MCF2L: variants seen among roughly 807,000 people sequenced by gnomAD.
MCF2L encodes guanine nucleotide exchange factor DBS.
A neutral mutation model predicts 153.4 loss-of-function variants in MCF2L; 97 were observed. The observed-to-expected ratio is 0.63, with a 90% CI of 0.54 to 0.75. The LOEUF (loss-of-function observed/expected upper bound fraction) is 0.75, where lower values mean the gene tolerates loss of function less well. MCF2L is among the 30% of genes least tolerant of loss of function. The probability of loss-of-function intolerance (pLI) is 0.00; values close to 1 mark genes in which losing one functional copy is unlikely to be tolerated. For missense variants in MCF2L, 1,347 were observed against 1,495.2 expected, an observed-to-expected ratio of 0.90 and a Z score of 1.64; for synonymous variants, 659 against 632.2, an observed-to-expected ratio of 1.04 and a Z score of -0.64.
chr13:113,012,194 AGG>A (rs2084185423), intron 1 of MCF2L, among the ~76,000 whole-genome samples: 2 of 96,086 alleles, frequency 2.1e-5, no homozygotes, highest in African/African-American at 7.4e-5. Flanking sequence ...GATGGTGGAC[AGG>A]CGGTGTGGAC....
chr13:113,062,062 C>G (rs572683563), intron 5 of MCF2L, among the ~76,000 whole-genome samples: 1 of 150,462 alleles, frequency 6.6e-6, no homozygotes, highest in Non-Finnish European at 1.5e-5. Context: ...TCTGTGCCAT[C>G]GTGCTTTGGT....
At chr13:112,979,695 AC>A (rs754070083) in intron 1 of MCF2L, 2 of 1,612,846 alleles carry the variant, frequency 1.2e-6, no homozygotes, top group South Asian at 2.2e-5. Flanking sequence ...ATCCCGGGGA[AC>A]CCTGCGGCGG....
chr13:112,917,415 C>T, intron 2 of MCF2L: 1 of 337,494 alleles, frequency 3.0e-6, no homozygotes, highest in Non-Finnish European at 5.9e-6. Flanking sequence ...AGAACAGATC[C>T]AGAATCCAGC....
At chr13:113,034,903 CCGAGG>C (rs2086054378) in intron 3 of MCF2L, among the ~76,000 whole-genome samples, 3 of 152,110 alleles carry the variant, frequency 2.0e-5, no homozygotes, top group Non-Finnish European at 4.4e-5. Context: ...GAAGGTCTGC[CCGAGG>C]TGAGGAAGGT....
At position 113,086,156 on chromosome 13, in the gene MCF2L, G is replaced by C. The variant is rs772139118; in HGVS notation, c.2280G>C (p.Gly760=). 9 of 1,610,606 alleles carry C rather than the reference G, an allele frequency of 5.6e-6. No individual in the cohort carries two copies. Among genetic ancestry groups the C allele is most frequent in the Non-Finnish European group, 7.6e-6 (9 of 1,178,610 alleles). ...EMLKYSRNCE[G]AEDLQEALSS... Reference sequence around the variant, plus strand: ...TGAAATACAGCAGGAACTGCGAGGGGGCTGAGGACCTGCAGGAGGCGCTGA... The same window carrying C: ...TGAAATACAGCAGGAACTGCGAGGGCGCTGAGGACCTGCAGGAGGCGCTGA... The change falls in exon 21 of 30, where the codon GGG becomes GGC. Residue 760 remains glycine, a synonymous_variant. Coordinates refer to ENST00000535094, the MANE Select transcript of MCF2L (RefSeq NM_001112732.3).
At chr13:113,080,621 C>A (rs1486895326) in intron 15 of MCF2L, among the ~76,000 whole-genome samples, 1 of 152,244 alleles carries the variant, frequency 6.6e-6, no homozygotes, top group Non-Finnish European at 1.5e-5. Context: ...GCTTGTGCAC[C>A]CTCCCCTTCT....
rs923811264 is a variant in MCF2L at position 113,045,088 on chromosome 13, A to G, written c.279-183A>G. The G allele has an allele frequency of 2.8e-5, 26 of 935,306 alleles. No individual in the cohort carries two copies. In the Middle Eastern group the frequency reaches 8.6e-4, roughly 31 times the overall value. 57.9% of individuals were successfully genotyped at this position (935,306 alleles called of 1,614,324 possible). ...TGCCTGCCCTTCCGTAGATGAGAGC[A>G]GGTTCTGGGACTGCGGGGATGGGGC... On this transcript the variant is annotated intron_variant, in intron 3 of 29. Coordinates refer to ENST00000535094, the MANE Select transcript of MCF2L (RefSeq NM_001112732.3). The surrounding 1 kb of genome is among the most constrained non-coding windows in gnomAD (Gnocchi z 4.2).
At position 112,941,433 on chromosome 13, in the gene MCF2L, T is replaced by C. The variant is rs1043421082; in HGVS notation, c.169+39062T>C. ...ATTCCTTGTACATTTCCTTTAGGTG[T>C]AAAAGGAAAATAACTTACAGTAAAA... On this transcript the variant is annotated intron_variant, in intron 2 of 29. Coordinates refer to the MCF2L transcript ENST00000375608. This position sits in a 1 kb window ranked among gnomAD's most constrained non-coding sequence, Gnocchi z 4.9. 3.3e-5 allele frequency among the ~76,000 whole-genome samples: 5 copies of C among 151,498 alleles called. No individual in the cohort carries two copies. The highest frequency in any genetic ancestry group is 4.4e-5 in the Non-Finnish European group (3 of 67,900).
intron 1 of MCF2L, among the ~76,000 whole-genome samples, chr13:112,987,037 C>T (rs891872179): frequency 2.6e-5 from 4 of 151,906 alleles, no homozygotes; most frequent in Non-Finnish European, 4.4e-5. Flanking sequence ...GTCGCGGGGC[C>T]ACAGCCACCC....
chr13:113,000,629 G>C (rs577852206), intron 1 of MCF2L, among the ~76,000 whole-genome samples: 1 of 152,254 alleles, frequency 6.6e-6, no homozygotes, highest in Non-Finnish European at 1.5e-5. Flanking sequence ...TCCAGCAAGC[G>C]TTTGGACCTG....
At chr13:112,915,416 A>AAAAAAAAAAAAAAAAAAAAAAG (rs2081282107) in intron 2 of MCF2L, among the ~76,000 whole-genome samples, 2 of 149,788 alleles carry the variant, frequency 1.3e-5, no homozygotes, top group Non-Finnish European at 3.0e-5. Flanking sequence ...CTCACAAAAA[A>AAAAAAAAAAAAAAAAAAAAAAG]AAAAAAAAAT....
At chr13:112,970,420 T>A (rs950660824) in intron 1 of MCF2L, among the ~76,000 whole-genome samples, 3 of 152,180 alleles carry the variant, frequency 2.0e-5, no homozygotes, top group Non-Finnish European at 2.9e-5. Context: ...ATGTTTTTAA[T>A]GGGGGCTTTT....
At chr13:112,933,582 T>A (rs927790409) in intron 2 of MCF2L, among the ~76,000 whole-genome samples, 25 of 152,236 alleles carry the variant, frequency 1.6e-4, no homozygotes, top group African/African-American at 5.5e-4. Flanking sequence ...ATTTCGGTAT[T>A]TTTCTTTTAG....
At chr13:113,085,745 CGAGGGGTTTG>C (rs1331303095) in intron 20 of MCF2L, among the ~76,000 whole-genome samples, 1 of 91,820 alleles carries the variant, frequency 1.1e-5, no homozygotes, top group Admixed American at 9.4e-5. Flanking sequence ...GGAGCAGGTG[CGAGGGGTTTG>C]CACCTGGCAT....
chr13:112,920,047 G>C (rs992744351), intron 2 of MCF2L, among the ~76,000 whole-genome samples: 1 of 152,166 alleles, frequency 6.6e-6, no homozygotes, highest in Admixed American at 6.5e-5. Flanking sequence ...TTTATCTCAA[G>C]CTGTGCTGTC....
At position 112,951,660 on chromosome 13, in the gene MCF2L, C is replaced by G. The variant is rs944269199; in HGVS notation, c.169+49289C>G. On this transcript the variant is annotated intron_variant, in intron 2 of 29. Coordinates refer to the MCF2L transcript ENST00000375608. The surrounding 1 kb of genome is among the most constrained non-coding windows in gnomAD (Gnocchi z 4.8). ...TAGTTCAGTGGTTGTGGGGGGTCCA[C>G]GAGGGGTGATCTGGGAGGAACATGG... Among the ~76,000 whole-genome samples, 3 of 152,166 alleles carry G rather than the reference C, an allele frequency of 2.0e-5. No homozygotes were observed. The highest frequency in any genetic ancestry group is 3.4e-3 in the Middle Eastern group (1 of 292).
chr13:112,902,070 A>G, intron 1 of MCF2L: 1 of 699,694 alleles, frequency 1.4e-6, no homozygotes, highest in South Asian at 1.9e-5. Context: ...AGTTTCAAAC[A>G]TACTATCTTC....
chr13:113,064,625 T>C lies in MCF2L; in HGVS notation c.606+205T>C. 1.8e-6 allele frequency: 1 copy of C among 540,642 alleles called. No homozygotes were observed. The allele number at this position is 540,642 out of a possible 1,614,324, so 33.5% of individuals were successfully genotyped here. On this transcript the variant is annotated intron_variant, in intron 6 of 29. Transcript: ENST00000535094. The surrounding 1 kb of genome is among the most constrained non-coding windows in gnomAD (Gnocchi z 6.0). ...TCATAAGTTTGGGAGTGGCTTTCTCTGGGCTTGGAGACCAAAAAAAAAAAA... is the reference window on the plus strand; with the variant it reads ...TCATAAGTTTGGGAGTGGCTTTCTCCGGGCTTGGAGACCAAAAAAAAAAAA...
chr13:112,913,095 C>G (rs370188761), intron 2 of MCF2L, among the ~76,000 whole-genome samples: 5 of 136,076 alleles, frequency 3.7e-5, no homozygotes, highest in African/African-American at 1.4e-4. Flanking sequence ...TGTGTGTGGT[C>G]TATTTCTGTG....
Sources: allele counts gnomAD v4.1 joint callset (sites outside exome capture counted in the v4.1 genomes callset), GRCh38; gene constraint gnomAD v4.1.1; non-coding constraint Gnocchi (gnomAD v3.1); transcripts MANE v1.5; gene names NCBI Gene and HGNC (gene_info 2026-07-23, HGNC 2026-07-21).